Variants in BATF observed in about 807,000 individuals in gnomAD.
The protein encoded by BATF is basic leucine zipper ATF-like transcription factor, also known as basic leucine zipper transcriptional factor ATF-like.
Under a neutral mutation model 13.7 loss-of-function variants are expected in BATF, and 5 were observed. That is an observed-to-expected ratio of 0.36 (90% CI 0.19 to 0.77). The LOEUF (loss-of-function observed/expected upper bound fraction) is 0.77. BATF is among the 30% of genes least tolerant of loss of function. The pLI is 0.51. For missense variants in BATF, 124 were observed against 163.0 expected, an observed-to-expected ratio of 0.76 and a Z score of 1.30; for synonymous variants, 72 against 67.5, an observed-to-expected ratio of 1.07 and a Z score of -0.33.
At chr14:75,541,013 G>A (rs1887888328) in intron 2 of BATF, among the ~76,000 whole-genome samples, 1 of 152,204 alleles carries the variant, frequency 6.6e-6, no homozygotes, top group Non-Finnish European at 1.5e-5. Flanking sequence ...GCTTGAACCA[G>A]GGAGGCAGAG....
chr14:75,543,660 C>T (rs374147205), intron 2 of BATF, among the ~76,000 whole-genome samples: 5 of 151,916 alleles, frequency 3.3e-5, no homozygotes, highest in East Asian at 1.9e-4. Flanking sequence ...GCCTCCAACC[C>T]CTGGTGCTCC....
At position 75,539,363 on chromosome 14, in the gene BATF, G is replaced by A. The variant is rs78267798; in HGVS notation, c.169-7099G>A. On this transcript the variant is annotated intron_variant, in intron 2 of 2. Coordinates refer to ENST00000286639, the MANE Select transcript of BATF (RefSeq NM_006399.5). Reference sequence around the variant, plus strand: ...CCGCCCATCAGGTACTTCTGCTTACGTATCTTTGGTCAGAATTCTGTCACA... The same window carrying A: ...CCGCCCATCAGGTACTTCTGCTTACATATCTTTGGTCAGAATTCTGTCACA... Among the ~76,000 whole-genome samples the A allele has an allele frequency of 6.0e-4, 86 of 142,776 alleles. No individual in the cohort carries two copies. In the East Asian group the frequency reaches 0.015, roughly 24 times the overall value. 93.7% of individuals were successfully genotyped at this position (142,776 alleles called of 152,430 possible).
rs185424675 is a variant in BATF at position 75,525,195 on chromosome 14, G to A, written c.168+7G>A. On this transcript the variant is annotated splice_region_variant and intron_variant, in intron 2 of 2. Transcript: ENST00000286639. ...GGCCGACACCCTGCACCTGGTAAGTGTTCAGATCAATCTTCATCCTCGTGA... is the reference window on the plus strand; with the variant it reads ...GGCCGACACCCTGCACCTGGTAAGTATTCAGATCAATCTTCATCCTCGTGA... 2.5e-6 allele frequency: 4 copies of A among 1,612,532 alleles called. No homozygotes were observed. The East Asian group carries it at 8.9e-5, about 36-fold the overall frequency.
intron 2 of BATF, among the ~76,000 whole-genome samples, chr14:75,528,005 G>A (rs780463743): frequency 4.6e-5 from 7 of 152,130 alleles, no homozygotes; most frequent in Non-Finnish European, 7.4e-5. Flanking sequence ...CCTTTCCTCC[G>A]AGATGACAAT....
intron 2 of BATF, among the ~76,000 whole-genome samples, chr14:75,542,734 G>A (rs916672923): frequency 6.6e-6 from 1 of 152,262 alleles, no homozygotes; most frequent in Non-Finnish European, 1.5e-5. Context: ...CTAGCAGGAA[G>A]CACTCTTGCT....
rs10139465 is a variant in BATF, at chr14:75,542,029, A to C, written c.169-4433A>C. ...CTCCAGTCTCTCGGGGGAAGCAGTC[A>C]GTGTGAGAGAAGGAACACAGGGCCC... is the stretch of plus-strand genomic sequence containing the variant. On this transcript the variant is annotated intron_variant, in intron 2 of 2. Transcript: ENST00000286639. Among the ~76,000 whole-genome samples the C allele has an allele frequency of 2.5e-3, 379 of 152,002 alleles. 3 individuals are homozygous for C. The highest frequency in any genetic ancestry group is 8.8e-3 in the African/African-American group (367 of 41,474).
At chr14:75,542,950 CG>C (rs1887918946) in intron 2 of BATF, among the ~76,000 whole-genome samples, 1 of 152,166 alleles carries the variant, frequency 6.6e-6, no homozygotes, top group African/African-American at 2.4e-5. Flanking sequence ...AGCCTCTAGG[CG>C]GGGAGAAGGT....
chr14:75,545,388 A>ATTTTTTT (rs35791450), intron 2 of BATF, among the ~76,000 whole-genome samples: 25 of 105,192 alleles, frequency 2.4e-4, no homozygotes, highest in African/African-American at 7.3e-4. Context: ...CGCCTGGTTA[A>ATTTTTTT]TTTTTTTTTT....
At chr14:75,542,628 C>T (rs1182822825) in intron 2 of BATF, among the ~76,000 whole-genome samples, 1 of 152,230 alleles carries the variant, frequency 6.6e-6, no homozygotes, top group East Asian at 1.9e-4. Flanking sequence ...CCCAGATCAG[C>T]CACTTCCTCC....
chr14:75,525,239 C>T (rs761224896), intron 2 of BATF, 51 bp downstream of exon 2: 48 of 1,550,564 alleles, frequency 3.1e-5, no homozygotes, highest in East Asian at 4.6e-5. Context: ...CTTTGCCCTC[C>T]GCCATCTGGG....
At chr14:75,538,438 A>G (rs1887847513) in intron 2 of BATF, among the ~76,000 whole-genome samples, 1 of 152,218 alleles carries the variant, frequency 6.6e-6, no homozygotes, top group African/African-American at 2.4e-5. Flanking sequence ...CAGTGTGCAC[A>G]GCCAGGGTTG....
intron 1 of BATF, among the ~76,000 whole-genome samples, chr14:75,524,460 T>C (rs1887622540): frequency 1.3e-5 from 2 of 152,086 alleles, no homozygotes; most frequent in African/African-American, 4.8e-5. Context: ...GCAGAGTAGC[T>C]AGCGGGGAAG....
intron 2 of BATF, among the ~76,000 whole-genome samples, chr14:75,533,424 T>A (rs1253719619): frequency 7.5e-6 from 1 of 132,510 alleles, no homozygotes; most frequent in African/African-American, 3.0e-5. Flanking sequence ...TGAGACTCCG[T>A]CTCAAAAAAA....
chr14:75,546,641 T>A lies in BATF; in HGVS notation c.348T>A (p.Pro116=), dbSNP rs1321151111. The change falls in exon 3 of 3, where the codon CCT becomes CCA. Residue 116 remains proline, a synonymous_variant. Coordinates refer to ENST00000286639, the MANE Select transcript of BATF (RefSeq NM_006399.5). ...VVYSAHAFHQ[P]HVSSPRFQP is the part of the protein sequence containing the mutation. The stretch of plus-strand genomic sequence containing the variant: ...ACAGCGCCCACGCATTCCACCAACC[T>A]CATGTCAGCTCCCCGCGCTTCCAGC... 1 of 1,609,336 alleles carries A rather than the reference T, an allele frequency of 6.2e-7. No homozygotes were observed. Among genetic ancestry groups the A allele is most frequent in the Non-Finnish European group, 8.5e-7 (1 of 1,177,618 alleles).
intron 2 of BATF, among the ~76,000 whole-genome samples, chr14:75,530,590 C>A: frequency 6.6e-6 from 1 of 152,222 alleles, no homozygotes; most frequent in East Asian, 1.9e-4. Flanking sequence ...GAAGGATTAT[C>A]ACTTCTGTAC....
intron 2 of BATF, among the ~76,000 whole-genome samples, chr14:75,542,866 G>A (rs1018750165): frequency 1.3e-5 from 2 of 152,188 alleles, no homozygotes; most frequent in South Asian, 2.1e-4. Context: ...GGAGGCAGAC[G>A]ACAGAGCTAG....
At chr14:75,542,084 G>A (rs144669134) in intron 2 of BATF, among the ~76,000 whole-genome samples, 1,755 of 152,298 alleles carry the variant, frequency 0.012, 22 homozygotes, top group Non-Finnish European at 0.016. Context: ...CGCCTCCCTC[G>A]CGGGCAATGA....
In BATF at chr14:75,522,857, G is replaced by A. The variant is rs1887593295; in HGVS notation, c.63+112G>A. ...CTGAGGATGGAGGAAGTGGCTCGTTGCACGGGCACTCTGTTAGACTTAGGA... is the reference window on the plus strand; with the variant it reads ...CTGAGGATGGAGGAAGTGGCTCGTTACACGGGCACTCTGTTAGACTTAGGA... On this transcript the variant is annotated intron_variant, in intron 1 of 2. Coordinates refer to ENST00000286639, the MANE Select transcript of BATF (RefSeq NM_006399.5). 4.7e-6 allele frequency: 6 copies of A among 1,288,174 alleles called. No homozygotes were observed. The South Asian group carries it at 7.4e-5, about 16-fold the overall frequency. The allele number at this position is 1,288,174 out of a possible 1,614,324, so 79.8% of individuals were successfully genotyped here.
At position 75,546,949 on chromosome 14, in the gene BATF, G is replaced by A. The variant is rs749291120; in HGVS notation, c.*278G>A. 9 of 703,298 alleles carry A rather than the reference G, an allele frequency of 1.3e-5. No individual in the cohort carries two copies. The highest frequency in any genetic ancestry group is 4.4e-5 in the South Asian group (3 of 67,608). The allele number at this position is 703,298 out of a possible 1,614,324, so 43.6% of individuals were successfully genotyped here. ...CAAGTCCCATGGCACAGAGCAAGGCGGGCAGGGAACGGTTATTTTTCTAAA... is the reference window on the plus strand; with the variant it reads ...CAAGTCCCATGGCACAGAGCAAGGCAGGCAGGGAACGGTTATTTTTCTAAA... On this transcript the variant is annotated 3_prime_UTR_variant, in exon 3 of 3. Transcript: ENST00000286639.
Sources: gnomAD v4.1 joint callset for allele counts (sites outside exome capture counted in the v4.1 genomes callset) on GRCh38, gnomAD v4.1.1 for gene constraint, MANE v1.5 for transcripts, NCBI Gene and HGNC (gene_info 2026-07-23, HGNC 2026-07-21) for gene names.